Variants in PCDH9 observed in about 807,000 individuals in gnomAD.
PCDH9 encodes protocadherin-9.
In PCDH9, 24 loss-of-function variants were observed where a neutral mutation model predicts 70.6. The observed-to-expected ratio is 0.34, with a 90% CI of 0.25 to 0.48. The LOEUF (loss-of-function observed/expected upper bound fraction) is 0.48, where lower values mean the gene tolerates loss of function less well. PCDH9 is among the 20% of genes least tolerant of loss of function. The pLI, the probability that PCDH9 is intolerant of heterozygous loss-of-function variation, is 0.99. For missense variants in PCDH9, 1,281 were observed against 1,503.6 expected, an observed-to-expected ratio of 0.85 and a Z score of 2.45; for synonymous variants, 562 against 558.5, an observed-to-expected ratio of 1.01 and a Z score of -0.09.
intron 4 of PCDH9, among the ~76,000 whole-genome samples, chr13:66,622,947 C>T (rs555870696): frequency 3.7e-4 from 56 of 152,310 alleles, no homozygotes; most frequent in African/African-American, 1.3e-3. Context: ...ACCACGAACG[C>T]ACCGGGAGGA....
chr13:66,678,661 A>G (rs1449378620), intron 3 of PCDH9, among the ~76,000 whole-genome samples: 1 of 152,056 alleles, frequency 6.6e-6, no homozygotes. Context: ...TTAAAAACCT[A>G]TTTATGTGCA....
chr13:67,070,863 T>C (rs2085748151), intron 2 of PCDH9, among the ~76,000 whole-genome samples: 1 of 152,196 alleles, frequency 6.6e-6, no homozygotes, highest in Admixed American at 6.6e-5. Context: ...TTAGGCAATA[T>C]GAAGATGCAG....
intron 2 of PCDH9, chr13:67,213,190 G>A (rs548526413): frequency 8.9e-5 from 8 of 90,122 alleles, no homozygotes; most frequent in East Asian, 3.7e-4. Flanking sequence ...CAGCCTGGAC[G>A]ACAGAGACTC....
chr13:66,457,030 GC>G (rs1252621287), intron 4 of PCDH9, among the ~76,000 whole-genome samples: 2 of 152,104 alleles, frequency 1.3e-5, no homozygotes, highest in African/African-American at 4.8e-5. Flanking sequence ...ATGTCTTCAT[GC>G]TTTTTATTTC....
rs192081696 is a variant in PCDH9 at position 66,561,554 on chromosome 13, T to C, written c.3340+69656A>G. Among the ~76,000 whole-genome samples the C allele has an allele frequency of 5.7e-3, 872 of 152,234 alleles. 6 individuals carry two copies. The highest frequency in any genetic ancestry group is 9.4e-3 in the Non-Finnish European group (639 of 68,004). On this transcript the variant is annotated intron_variant, in intron 4 of 4. Coordinates refer to ENST00000377865, the MANE Select transcript of PCDH9 (RefSeq NM_203487.3). ...AGATTGTAAATACATCAATCGGCAC[T>C]CTGTATCTAGCTCAAGGTTTGTAAA...
intron 3 of PCDH9, among the ~76,000 whole-genome samples, chr13:66,846,771 T>C (rs912810305): frequency 6.6e-6 from 1 of 152,038 alleles, no homozygotes; most frequent in African/African-American, 2.4e-5. Flanking sequence ...ATTTTTAAAG[T>C]ATATTTTCTT....
At chr13:66,710,892 T>C (rs1367288928) in intron 3 of PCDH9, among the ~76,000 whole-genome samples, 5 of 152,170 alleles carry the variant, frequency 3.3e-5, no homozygotes, top group Admixed American at 3.3e-4. Context: ...TTATTCTGCC[T>C]CTTTCTTCCA....
intron 4 of PCDH9, among the ~76,000 whole-genome samples, chr13:66,464,144 C>A (rs1329186327): frequency 6.6e-6 from 1 of 151,508 alleles, no homozygotes; most frequent in Non-Finnish European, 1.5e-5. Flanking sequence ...TTTTCAGATT[C>A]AAGTGTTTAA....
chr13:66,933,276 C>T (rs1304489317), intron 2 of PCDH9, among the ~76,000 whole-genome samples: 1 of 152,026 alleles, frequency 6.6e-6, no homozygotes, highest in East Asian at 1.9e-4. Flanking sequence ...CCTATGACAT[C>T]AGTATATTTT....
intron 4 of PCDH9, among the ~76,000 whole-genome samples, chr13:66,495,795 A>G (rs1959107132): frequency 6.6e-6 from 1 of 152,164 alleles, no homozygotes; most frequent in African/African-American, 2.4e-5. Context: ...GCCACTGCAC[A>G]CTAATTCTTG....
At chr13:66,648,875 A>G (rs914701970) in intron 3 of PCDH9, among the ~76,000 whole-genome samples, 5 of 152,062 alleles carry the variant, frequency 3.3e-5, no homozygotes, top group African/African-American at 1.2e-4. Flanking sequence ...ATTTAACAGA[A>G]AGTCTGAAAA....
rs998463306 is a variant in PCDH9, at chr13:66,584,572, G to A, written c.3340+46638C>T. Among the ~76,000 whole-genome samples the A allele has an allele frequency of 4.6e-5, 7 of 152,272 alleles. No homozygotes were observed. In the East Asian group the frequency reaches 1.4e-3, roughly 29 times the overall value. On this transcript the variant is annotated intron_variant, in intron 4 of 4. Coordinates refer to ENST00000377865, the MANE Select transcript of PCDH9 (RefSeq NM_203487.3). ...ACTTCAAGATCAATGGATTCATTAT[G>A]CCGCTATAACATTTATTTAAACCCA...
intron 3 of PCDH9, among the ~76,000 whole-genome samples, chr13:66,760,493 T>C (rs9599143): frequency 0.5 from 76,626 of 151,920 alleles, 21,621 homozygotes; most frequent in Middle Eastern, 0.65. Context: ...TTCCTATGCC[T>C]GTCTTTACTT....
chr13:66,589,181 A>G (rs2077006122), intron 4 of PCDH9, among the ~76,000 whole-genome samples: 1 of 152,076 alleles, frequency 6.6e-6, no homozygotes, highest in Non-Finnish European at 1.5e-5. Flanking sequence ...CCGTACCTAC[A>G]TAACTTCTAA....
intron 2 of PCDH9, among the ~76,000 whole-genome samples, chr13:67,136,324 G>C (rs12430801): frequency 0.23 from 35,323 of 152,028 alleles, 4,217 homozygotes; most frequent in Middle Eastern, 0.28. Flanking sequence ...TTAACACAGC[G>C]ACAAAATTGC....
At chr13:66,912,078 C>A (rs2082476816) in intron 2 of PCDH9, among the ~76,000 whole-genome samples, 1 of 152,100 alleles carries the variant, frequency 6.6e-6, no homozygotes, top group Non-Finnish European at 1.5e-5. Flanking sequence ...TTCTGCAACA[C>A]AGATAAAAGT....
chr13:66,395,730 A>G (rs191320607), intron 4 of PCDH9, among the ~76,000 whole-genome samples: 48 of 152,354 alleles, frequency 3.2e-4, no homozygotes, highest in Admixed American at 6.5e-4. Flanking sequence ...CCTCTTCCTG[A>G]CTTATAAACC....
chr13:66,437,404 C>CAA (rs66796123), intron 4 of PCDH9, among the ~76,000 whole-genome samples: 16,387 of 44,914 alleles, frequency 0.36, 4,332 homozygotes, highest in Non-Finnish European at 0.47. Context: ...GACTCTGTCT[C>CAA]AAAAAAAAAA....
chr13:67,227,503 G>T lies in PCDH9; in HGVS notation c.938C>A (p.Thr313Lys), dbSNP rs769888767. 3 of 1,613,656 alleles carry T rather than the reference G, an allele frequency of 1.9e-6. No homozygotes were observed. The highest frequency in any genetic ancestry group is 2.5e-6 in the Non-Finnish European group (3 of 1,179,736). ...FALNNTTGLI[T>K]VQRSLDREET... is the part of the protein sequence containing the mutation. ...CTCTCTATCTAAGGACCTCTGAACTGTAATCAGCCCAGTAGTATTATTTAA... is the reference window on the plus strand; with the variant it reads ...CTCTCTATCTAAGGACCTCTGAACTTTAATCAGCCCAGTAGTATTATTTAA... Residue 313 changes from threonine to lysine, a missense_variant, in exon 2 of 5, where the codon ACA (threonine) becomes AAA (lysine). Coordinates refer to ENST00000377865, the MANE Select transcript of PCDH9 (RefSeq NM_203487.3). This position sits in a 1 kb window ranked among gnomAD's most constrained non-coding sequence, Gnocchi z 4.6.
Sources: gnomAD v4.1 joint callset for allele counts (sites outside exome capture counted in the v4.1 genomes callset) on GRCh38, gnomAD v4.1.1 for gene constraint, Gnocchi (gnomAD v3.1) non-coding constraint, MANE v1.5 for transcripts, NCBI Gene and HGNC (gene_info 2026-07-23, HGNC 2026-07-21) for gene names.